Variants in CCDC197 observed in about 807,000 individuals in gnomAD.
CCDC197 encodes uncharacterized protein CCDC197.
In CCDC197, 24 loss-of-function variants were observed where a neutral mutation model predicts 13.4. The ratio of observed to expected loss-of-function variants is 1.80; its 90% CI spans 1.30 to 2.53. The LOEUF is 2.53. Ranked by LOEUF, CCDC197 falls within the 30% of genes most tolerant of loss-of-function variation. The pLI is 0.00. For missense variants in CCDC197, 255 were observed against 148.8 expected (o/e 1.71, Z -3.71); for synonymous variants, 99 against 55.5 (o/e 1.78, Z -3.48).
chr14:94,005,179 T>C (rs1202693333), intron 6 of CCDC197, among the ~76,000 whole-genome samples: 1 of 152,184 alleles, frequency 6.6e-6, no homozygotes, highest in Non-Finnish European at 1.5e-5. Flanking sequence ...AGGGTCAGTG[T>C]AGAAGGTGCA....
chr14:93,989,442 G>A (rs1349980599), intron 1 of CCDC197, among the ~76,000 whole-genome samples: 4 of 152,152 alleles, frequency 2.6e-5, no homozygotes, highest in Non-Finnish European at 5.9e-5. Flanking sequence ...TGCTCAGAGC[G>A]TGGTGCTCCT....
downstream of CCDC197, among the ~76,000 whole-genome samples, chr14:94,011,289 CT>C (rs1890803568): frequency 6.6e-6 from 1 of 152,266 alleles, no homozygotes; most frequent in Non-Finnish European, 1.5e-5. Context: ...ATTCTGTCCC[CT>C]ATCACCTGCC....
At chr14:93,992,363 C>T (rs1890228209), upstream of CCDC197, among the ~76,000 whole-genome samples, 1 of 152,188 alleles carries the variant, frequency 6.6e-6, no homozygotes, top group African/African-American at 2.4e-5. Context: ...GGGCCAACCC[C>T]CACCAAGAGA....
chr14:94,005,271 A>G (rs753968529), intron 6 of CCDC197, among the ~76,000 whole-genome samples: 1 of 152,174 alleles, frequency 6.6e-6, no homozygotes, highest in Non-Finnish European at 1.5e-5. Flanking sequence ...CACAGTACAC[A>G]CCCATCAACA....
chr14:94,005,540 A>AGAAAACGT (rs1469380906), intron 6 of CCDC197, among the ~76,000 whole-genome samples: 1 of 152,228 alleles, frequency 6.6e-6, no homozygotes, highest in East Asian at 1.9e-4. Context: ...CTGCAGTAAC[A>AGAAAACGT]GAAAACGTGA....
intron 6 of CCDC197, chr14:94,007,435 T>C (rs1332292899): frequency 1.3e-5 from 2 of 152,268 alleles, no homozygotes; most frequent in African/African-American, 4.8e-5. Flanking sequence ...TTGACCGTAA[T>C]ATGAAAAGTT....
upstream of CCDC197, among the ~76,000 whole-genome samples, chr14:93,996,205 C>T (rs1316326156): frequency 1.3e-5 from 2 of 151,868 alleles, no homozygotes; most frequent in African/African-American, 4.9e-5. Flanking sequence ...GCATCCACCT[C>T]CCTCCTGAGT....
At chr14:93,996,799 C>A (rs1042033247), upstream of CCDC197, among the ~76,000 whole-genome samples, 4 of 152,218 alleles carry the variant, frequency 2.6e-5, no homozygotes, top group Non-Finnish European at 4.4e-5. Flanking sequence ...CCCCACCCCA[C>A]CTTCCCCGGT....
intron 3 of CCDC197, chr14:94,000,718 TG>T (rs1265560708): frequency 6.4e-6 from 1 of 155,040 alleles, no homozygotes; most frequent in East Asian, 1.9e-4. Flanking sequence ...GCTTGTGGTT[TG>T]GGACCTTCCT....
intron 6 of CCDC197, among the ~76,000 whole-genome samples, chr14:94,006,629 T>C (rs1270997862): frequency 2.6e-5 from 4 of 152,028 alleles, no homozygotes; most frequent in Non-Finnish European, 5.9e-5. Flanking sequence ...AGTGCTGAGA[T>C]TATAGGTATG....
upstream of CCDC197, chr14:93,997,247 T>C (rs1394223982): frequency 6.6e-6 from 1 of 152,152 alleles, no homozygotes; most frequent in Non-Finnish European, 1.5e-5. Context: ...GAAGCCAGCA[T>C]TGTGATGTCA....
At chr14:93,990,214 G>T (rs576096235) in intron 1 of CCDC197, among the ~76,000 whole-genome samples, 1 of 152,312 alleles carries the variant, frequency 6.6e-6, no homozygotes, top group East Asian at 1.9e-4. Context: ...CATGATCATA[G>T]ATGTGACTGC....
At chr14:93,989,002 G>T (rs550186704) in intron 1 of CCDC197, among the ~76,000 whole-genome samples, 1 of 151,964 alleles carries the variant, frequency 6.6e-6, no homozygotes, top group Non-Finnish European at 1.5e-5. Flanking sequence ...AGTGCGGGAC[G>T]CTGTGTGCCT....
intron 2 of CCDC197, chr14:93,999,382 G>T: frequency 2.5e-5 from 14 of 549,994 alleles, no homozygotes; most frequent in Admixed American, 6.6e-5. Context: ...GCGTTTATTT[G>T]ATCTGCTTGT....
rs1011382372 is a variant in CCDC197 at position 94,008,800 on chromosome 14, C to T, written c.807C>T (p.Ser269=). 1.9e-5 allele frequency: 13 copies of T among 701,566 alleles called. No homozygotes were observed. Among genetic ancestry groups the T allele is most frequent in the South Asian group, 3.0e-5 (2 of 67,572 alleles). 43.5% of individuals were successfully genotyped at this position (701,566 alleles called of 1,614,324 possible). A position where few individuals can be genotyped will look rare whatever the true frequency, so the allele number is the denominator to read the frequency against. Residue 269 remains serine (S), a synonymous_variant, in exon 7 of 7, where the codon TCC becomes TCT. Transcript: ENST00000636493. ...PFPSPHASEC[S]GLY ...CCAGCCCCCATGCTTCAGAGTGCTC[C>T]GGCCTGTACTGACCAGCCTGCGCCT...
At chr14:93,987,593 C>G (rs532542562) in intron 1 of CCDC197, among the ~76,000 whole-genome samples, 3 of 152,136 alleles carry the variant, frequency 2.0e-5, no homozygotes, top group Non-Finnish European at 4.4e-5. Context: ...GAGTGGCTGG[C>G]GTGGGGTTGG....
intron 2 of CCDC197, among the ~76,000 whole-genome samples, chr14:93,998,890 C>G (rs1273352798): frequency 6.6e-6 from 1 of 152,248 alleles, no homozygotes; most frequent in Non-Finnish European, 1.5e-5. Flanking sequence ...CAGAAACCCC[C>G]AGCACAGCCC....
At chr14:94,005,575 C>A (rs1462748862) in intron 6 of CCDC197, among the ~76,000 whole-genome samples, 3 of 152,218 alleles carry the variant, frequency 2.0e-5, no homozygotes, top group Non-Finnish European at 4.4e-5. Flanking sequence ...ATTGACAACA[C>A]AGCATGTCTT....
downstream of CCDC197, among the ~76,000 whole-genome samples, chr14:94,010,939 G>A (rs2141396391): frequency 6.6e-6 from 1 of 152,330 alleles, no homozygotes; most frequent in East Asian, 1.9e-4. Context: ...AATGCAGAGT[G>A]TGGACCCACC....
Sources: gnomAD v4.1 joint callset for allele counts (sites outside exome capture counted in the v4.1 genomes callset) on GRCh38, gnomAD v4.1.1 for gene constraint, MANE v1.5 for transcripts, NCBI Gene and HGNC (gene_info 2026-07-23, HGNC 2026-07-21) for gene names.